The following OAT variants were observed in gnomAD, a reference collection of about 807,000 sequenced individuals.
The protein encoded by OAT is ornithine aminotransferase, mitochondrial.
OAT carries 35 observed loss-of-function variants against 48.4 expected under a neutral mutation model. The ratio of observed to expected loss-of-function variants is 0.72; its 90% CI spans 0.55 to 0.96. OAT has a LOEUF of 0.96. OAT is among the 40% of genes least tolerant of loss of function. OAT has a pLI of 0.00. For synonymous variants in OAT, 182 were observed against 198.4 expected (o/e 0.92, Z 0.70); for missense variants, 438 against 537.9 (o/e 0.81, Z 1.84).
In OAT at chr10:124,397,814, A is replaced by T; in HGVS notation, c.*128T>A. 1 of 1,033,660 alleles carries T rather than the reference A, an allele frequency of 9.7e-7. No individual in the cohort carries two copies. 64.0% of individuals were successfully genotyped at this position (1,033,660 alleles called of 1,614,324 possible). A position where few individuals can be genotyped will look rare whatever the true frequency, so the allele number is the denominator to read the frequency against. On this transcript the variant is annotated 3_prime_UTR_variant, in exon 10 of 10. Coordinates refer to ENST00000368845, the MANE Select transcript of OAT (RefSeq NM_000274.4). ...GTTCTATTATGTATCAACTGAAAAA[A>T]ATATATTCAAAAAAAAAGTTTTTGA...
chr10:124,406,749 G>A (rs2134469206), intron 4 of OAT, among the ~76,000 whole-genome samples: 1 of 143,260 alleles, frequency 7.0e-6, no homozygotes, highest in African/African-American at 2.6e-5. Flanking sequence ...CCTGGAGGCA[G>A]AGGTTACAGT....
intron 1 of OAT, among the ~76,000 whole-genome samples, chr10:124,412,549 T>C (rs1951788890): frequency 6.6e-6 from 1 of 151,470 alleles, no homozygotes; most frequent in African/African-American, 2.4e-5. Context: ...CTCACATCTG[T>C]AATTCCAGCA....
intron 4 of OAT, chr10:124,405,815 G>GA (rs1210378288): frequency 8.5e-5 from 109 of 1,284,920 alleles, no homozygotes; most frequent in Admixed American, 3.6e-4. Context: ...CTCTTGACTG[G>GA]AATATATAGC....
Position 124,405,468 on chromosome 10 carries a change from T to C in OAT, c.616A>G (p.Ile206Val). 1 of 1,614,142 alleles carries C rather than the reference T, an allele frequency of 6.2e-7. No homozygotes were observed. Among genetic ancestry groups the C allele is most frequent in the Non-Finnish European group, 8.5e-7 (1 of 1,180,004 alleles). Residue 206 changes from isoleucine to valine, a missense_variant, in exon 5 of 10, where the codon ATC (isoleucine) becomes GTC (valine). Physicochemically the swap from Ile to Val is conservative, Grantham distance 29 (BLOSUM62 3). Transcript: ENST00000368845. ...GFGPFMPGFD[I>V]IPYNDLPALE... is the part of the protein sequence containing the mutation. ...GCGGGCAGATCATTATAGGGAATGA[T>C]GTCGAATCCCGGCATAAATGGTCCA...
chr10:124,398,129 G>A (rs566883338), intron 9 of OAT, 27 bp from the exon 10 acceptor site: 1 of 1,612,730 alleles, frequency 6.2e-7, no homozygotes, highest in Admixed American at 1.7e-5. Flanking sequence ...AAACGTACAT[G>A]CTCAAAGATA....
chr10:124,417,283 C>CTTT (rs59171918), intron 1 of OAT, among the ~76,000 whole-genome samples: 48 of 87,016 alleles, frequency 5.5e-4, no homozygotes, highest in East Asian at 8.9e-4. Flanking sequence ...AAACTATAAG[C>CTTT]TTTTTTTTTT....
chr10:124,411,116 G>A (rs1372784673), intron 2 of OAT, among the ~76,000 whole-genome samples: 1 of 119,440 alleles, frequency 8.4e-6, no homozygotes, highest in Non-Finnish European at 1.7e-5. Context: ...CTCCAGCCTG[G>A]GTGACAAAGC....
intron 1 of OAT, among the ~76,000 whole-genome samples, chr10:124,417,613 C>A (rs937578898): frequency 6.6e-6 from 1 of 151,998 alleles, no homozygotes; most frequent in Non-Finnish European, 1.5e-5. Context: ...ATTTAACGCT[C>A]GTTTTTATGA....
intron 4 of OAT, chr10:124,405,940 A>G: frequency 9.6e-6 from 11 of 1,141,502 alleles, no homozygotes; most frequent in Non-Finnish European, 1.2e-5. Flanking sequence ...TGATAGTGAT[A>G]TGAGAAAGAA....
chr10:124,402,951 C>T lies in OAT; in HGVS notation c.876G>A (p.Lys292=), dbSNP rs758532045. The T allele has an allele frequency of 4.3e-6, 7 of 1,613,934 alleles. No homozygotes were observed. In the African/African-American group the frequency reaches 9.3e-5, roughly 22 times the overall value. The change falls in exon 7 of 10, where the codon AAG becomes AAA. Residue 292 remains lysine, a synonymous_variant. Transcript: ENST00000368845. Reference sequence around the variant, plus strand: ...CAGGGTATAAGCCCCCAGAAAGGGCCTTTCCAAGGAGGACTATATCAGGTC... The same window carrying T: ...CAGGGTATAAGCCCCCAGAAAGGGCTTTTCCAAGGAGGACTATATCAGGTC... ...NVRPDIVLLG[K]ALSGGLYPVS... is the part of the protein sequence containing the mutation.
chr10:124,400,309 G>A (rs1046629419), intron 9 of OAT, among the ~76,000 whole-genome samples: 2 of 151,886 alleles, frequency 1.3e-5, no homozygotes, highest in African/African-American at 2.4e-5. Flanking sequence ...TTAGCTGGGC[G>A]TGTTGGCACG....
chr10:124,405,373 A>T (rs1231072063), intron 5 of OAT, 63 bp downstream of exon 5: 1 of 1,605,664 alleles, frequency 6.2e-7, no homozygotes, highest in Non-Finnish European at 8.5e-7. Flanking sequence ...CTTTTAATTC[A>T]TATATTCAAC....
At position 124,408,857 on chromosome 10, in the gene OAT, C is replaced by G; in HGVS notation, c.308G>C (p.Ser103Thr). The change falls in exon 3 of 10, where the codon AGT becomes ACT. Residue 103 changes from serine to threonine, a missense_variant. Coordinates refer to ENST00000368845, the MANE Select transcript of OAT (RefSeq NM_000274.4). ...TGTTAAGGTCAATTTGTCCACTTGA[C>G]TCTTCAGAGCATTCACAATCTTGGG... ...CHPKIVNALK[S>T]QVDKLTLTSR... 1 of 1,613,282 alleles carries G rather than the reference C, an allele frequency of 6.2e-7. No individual in the cohort carries two copies. Among genetic ancestry groups the G allele is most frequent in the Non-Finnish European group, 8.5e-7 (1 of 1,179,952 alleles).
chr10:124,397,607 C>A lies in OAT; in HGVS notation c.*335G>T. On this transcript the variant is annotated 3_prime_UTR_variant, in exon 10 of 10. Coordinates refer to ENST00000368845, the MANE Select transcript of OAT (RefSeq NM_000274.4). ...CTTTTTCAAATATGAAACACTTATA[C>A]CAGTGAGGAAATTATAAAAACATAT... 1 of 239,690 alleles carries A rather than the reference C, an allele frequency of 4.2e-6. No individual in the cohort carries two copies. The highest frequency in any genetic ancestry group is 5.4e-5 in the South Asian group (1 of 18,430). 14.8% of individuals were successfully genotyped at this position (239,690 alleles called of 1,614,324 possible).
chr10:124,403,491 C>T (rs1212122848), intron 6 of OAT, among the ~76,000 whole-genome samples: 3 of 152,068 alleles, frequency 2.0e-5, no homozygotes, highest in South Asian at 2.1e-4. Context: ...AAAGGGCTTG[C>T]GGGGGCTCAG....
rs1406256893 is a variant in OAT, at chr10:124,397,320, CT to C, written c.*621del. On this transcript the variant is annotated 3_prime_UTR_variant, in exon 10 of 10. Transcript: ENST00000368845. ...ACAAAACAGACATTTGAAATATAAG[CT>C]TTATTTTAAATTTAAAGAAGTATTG... 6.6e-6 allele frequency: 1 copy of C among 152,188 alleles called. No individual in the cohort carries two copies. Among genetic ancestry groups the C allele is most frequent in the Non-Finnish European group, 1.5e-5 (1 of 68,066 alleles). 9.4% of individuals were successfully genotyped at this position (152,188 alleles called of 1,614,324 possible). A position where few individuals can be genotyped will look rare whatever the true frequency, so the allele number is the denominator to read the frequency against.
intron 5 of OAT, 112 bp from the exon 6 acceptor site, chr10:124,404,032 C>G: frequency 3.8e-6 from 5 of 1,301,478 alleles, no homozygotes; most frequent in South Asian, 3.7e-5. Context: ...AGTTTTCGCA[C>G]TAACGTAAAT....
intron 4 of OAT, chr10:124,407,327 T>C: frequency 2.0e-6 from 2 of 983,910 alleles, no homozygotes; most frequent in Non-Finnish European, 2.4e-6. Flanking sequence ...TTCCTCTGTC[T>C]CTCCACCCCA....
chr10:124,408,710 G>C, intron 3 of OAT, 31 bp downstream of exon 3: 1 of 1,577,236 alleles, frequency 6.3e-7, no homozygotes, highest in Non-Finnish European at 8.7e-7. Flanking sequence ...TTATTTTTGA[G>C]GGTATTTAAC....
Sources: allele counts gnomAD v4.1 joint callset (sites outside exome capture counted in the v4.1 genomes callset), GRCh38; gene constraint gnomAD v4.1.1; transcripts MANE v1.5; gene names NCBI Gene and HGNC (gene_info 2026-07-23, HGNC 2026-07-21).